Variants in LGR5 observed in about 807,000 individuals in gnomAD.
The protein encoded by LGR5 is leucine-rich repeat-containing G protein-coupled receptor 5.
A neutral mutation model predicts 76.7 loss-of-function variants in LGR5; 54 were observed. The ratio of observed to expected loss-of-function variants is 0.70; its 90% CI spans 0.57 to 0.88. The LOEUF (loss-of-function observed/expected upper bound fraction) is 0.88, where lower values mean the gene tolerates loss of function less well. Among genes scored for constraint, LGR5 ranks in the 40% least tolerant of loss-of-function variants. The pLI, the probability that LGR5 is intolerant of heterozygous loss-of-function variation, is 0.00. For missense variants in LGR5, 1,078 were observed against 1,073.3 expected (o/e 1.00, Z -0.06); for synonymous variants, 406 against 421.9 (o/e 0.96, Z 0.46).
At chr12:71,576,706 A>T (rs1265179205) in intron 13 of LGR5, among the ~76,000 whole-genome samples, 1 of 152,156 alleles carries the variant, frequency 6.6e-6, no homozygotes, top group African/African-American at 2.4e-5. Flanking sequence ...ACCCCAGCCA[A>T]ATCACTCTAA....
At chr12:71,476,114 G>GGACA (rs1933978763) in intron 1 of LGR5, among the ~76,000 whole-genome samples, 2 of 152,062 alleles carry the variant, frequency 1.3e-5, no homozygotes. Flanking sequence ...ATTAATAGGT[G>GGACA]GACAGTAAAT....
At position 71,572,918 on chromosome 12, in the gene LGR5, C is replaced by T. The variant is rs146135159; in HGVS notation, c.1205C>T (p.Ser402Leu). 9.9e-6 allele frequency: 16 copies of T among 1,611,930 alleles called. No individual in the cohort carries two copies. The highest frequency in any genetic ancestry group is 8.0e-5 in the African/African-American group (6 of 75,018). The change falls in exon 13 of 18, where the codon TCG becomes TTG. Residue 402 changes from serine to leucine, a missense_variant. Transcript: ENST00000266674. ...TTCCAGCAGTTGCTTAGCCTCCGAT[C>T]GCTGTGAGTATCACCTCCCAGTGCG... ...DTFQQLLSLR[S>L]LNLAWNKIAI...
At chr12:71,481,230 A>G (rs1873585364) in intron 1 of LGR5, among the ~76,000 whole-genome samples, 1 of 152,132 alleles carries the variant, frequency 6.6e-6, no homozygotes, top group South Asian at 2.1e-4. Context: ...ATTTGTCCTG[A>G]TGATATCCCT....
intron 2 of LGR5, among the ~76,000 whole-genome samples, chr12:71,522,429 A>T (rs2031449854): frequency 6.6e-6 from 1 of 152,222 alleles, no homozygotes; most frequent in South Asian, 2.1e-4. Flanking sequence ...ATGCTGAATT[A>T]CATGTTAATA....
intron 3 of LGR5, among the ~76,000 whole-genome samples, chr12:71,525,081 G>T (rs1875923134): frequency 6.6e-6 from 1 of 151,622 alleles, no homozygotes; most frequent in Admixed American, 6.6e-5. Context: ...CCTTCTTCTG[G>T]TACCCATTGT....
intron 5 of LGR5, among the ~76,000 whole-genome samples, chr12:71,555,307 A>T (rs1047613124): frequency 6.6e-6 from 1 of 152,170 alleles, no homozygotes; most frequent in Non-Finnish European, 1.5e-5. Context: ...CCACTAGAGG[A>T]AATGGATTTA....
chr12:71,461,483 T>G (rs576896401), intron 1 of LGR5, among the ~76,000 whole-genome samples: 66 of 152,272 alleles, frequency 4.3e-4, no homozygotes, highest in African/African-American at 1.6e-3. Flanking sequence ...ATTTCCGCCT[T>G]TTAGTCTATT....
intron 11 of LGR5, among the ~76,000 whole-genome samples, chr12:71,570,879 G>T (rs1246502746): frequency 2.6e-5 from 4 of 152,074 alleles, no homozygotes; most frequent in Non-Finnish European, 5.9e-5. Flanking sequence ...AAACAAAATT[G>T]TTCTTATATA....
intron 3 of LGR5, 108 bp from the exon 4 acceptor site, chr12:71,535,007 G>T: frequency 1.5e-6 from 1 of 659,308 alleles, no homozygotes; most frequent in East Asian, 2.8e-5. Context: ...ACAAGACTTT[G>T]TCTGATGCTC....
In LGR5 at chr12:71,559,616, C is replaced by T. The variant is rs376455993; in HGVS notation, c.747C>T (p.Phe249=). The change falls in exon 7 of 18, where the codon TTC becomes TTT. Residue 249 remains phenylalanine (F), a synonymous_variant. Coordinates refer to ENST00000266674, the MANE Select transcript of LGR5 (RefSeq NM_003667.4). ...LDLNYNNLDE[F]PTAIRTLSNL... ...TAAATTACAATAACCTTGATGAATT[C>T]CCCACTGCAATTAGGACACTCTCCA... The T allele has an allele frequency of 1.6e-4, 259 of 1,573,402 alleles. No individual in the cohort carries two copies. Among genetic ancestry groups the T allele is most frequent in the Non-Finnish European group, 2.2e-4 (250 of 1,143,606 alleles).
At chr12:71,494,687 T>C (rs1268382054) in intron 1 of LGR5, among the ~76,000 whole-genome samples, 7 of 151,056 alleles carry the variant, frequency 4.6e-5, no homozygotes, top group Non-Finnish European at 8.8e-5. Flanking sequence ...TCCTTAGATA[T>C]TGACAAACCC....
intron 2 of LGR5, among the ~76,000 whole-genome samples, chr12:71,512,516 G>A (rs11830357): frequency 0.049 from 7,507 of 152,238 alleles, 231 homozygotes; most frequent in Middle Eastern, 0.11. Context: ...CAGAGATTCC[G>A]ATTTAATGGG....
intron 1 of LGR5, among the ~76,000 whole-genome samples, chr12:71,454,268 C>T (rs115147402): frequency 1.1e-3 from 162 of 152,238 alleles, no homozygotes; most frequent in African/African-American, 3.5e-3. Context: ...CTGGAATTCC[C>T]GAGTGCCTAC....
chr12:71,498,835 G>A (rs1367555206), intron 1 of LGR5, among the ~76,000 whole-genome samples: 2 of 152,192 alleles, frequency 1.3e-5, no homozygotes, highest in Non-Finnish European at 2.9e-5. Context: ...TTGGTGGTCC[G>A]AAGAATCCCA....
At position 71,585,707 on chromosome 12, in the gene LGR5, C is replaced by G. The variant is rs1378677156; in HGVS notation, c.*973C>G. ...GATACAACTTCTTACACATGTATCT[C>G]TAGTAGCTCTGGCAAACCCAATATC... On this transcript the variant is annotated 3_prime_UTR_variant, in exon 18 of 18. Transcript: ENST00000266674. 1 of 152,198 alleles carries G rather than the reference C, an allele frequency of 6.6e-6. No individual in the cohort carries two copies. Among genetic ancestry groups the G allele is most frequent in the Admixed American group, 6.5e-5 (1 of 15,276 alleles). 9.4% of individuals were successfully genotyped at this position (152,198 alleles called of 1,614,324 possible). A position where few individuals can be genotyped will look rare whatever the true frequency, so the allele number is the denominator to read the frequency against.
intron 4 of LGR5, among the ~76,000 whole-genome samples, chr12:71,536,852 C>T (rs1940565861): frequency 6.6e-6 from 1 of 152,234 alleles, no homozygotes; most frequent in African/African-American, 2.4e-5. Flanking sequence ...TAGATATTCA[C>T]TGTTCACCAG....
intron 1 of LGR5, among the ~76,000 whole-genome samples, chr12:71,457,789 G>A (rs1872545204): frequency 6.6e-6 from 1 of 152,124 alleles, no homozygotes; most frequent in Admixed American, 6.6e-5. Flanking sequence ...CCTTTCACAT[G>A]TGAGTTGTTG....
intron 15 of LGR5, among the ~76,000 whole-genome samples, chr12:71,579,919 T>C (rs1372335169): frequency 2.0e-5 from 3 of 152,216 alleles, no homozygotes; most frequent in African/African-American, 7.2e-5. Context: ...AAAATGTGCA[T>C]AGAAATATAT....
intron 11 of LGR5, among the ~76,000 whole-genome samples, chr12:71,569,798 C>T (rs1878517396): frequency 6.6e-6 from 1 of 152,118 alleles, no homozygotes; most frequent in South Asian, 2.1e-4. Flanking sequence ...CCCAGCAATC[C>T]CATAACTGGG....
Sources: gnomAD v4.1 joint callset for allele counts (sites outside exome capture counted in the v4.1 genomes callset) on GRCh38, gnomAD v4.1.1 for gene constraint, MANE v1.5 for transcripts, NCBI Gene and HGNC (gene_info 2026-07-23, HGNC 2026-07-21) for gene names.